Variants in FHL2 observed in about 807,000 individuals in gnomAD.
FHL2 encodes four and a half LIM domains protein 2.
FHL2 carries 20 observed loss-of-function variants against 32.7 expected under a neutral mutation model. That is an observed-to-expected ratio of 0.61 (90% CI 0.43 to 0.89). The LOEUF (loss-of-function observed/expected upper bound fraction) is 0.89, where lower values mean the gene tolerates loss of function less well. FHL2 is among the 40% of genes least tolerant of loss of function. FHL2 has a pLI of 0.00. For missense variants in FHL2, 311 were observed against 358.6 expected, an observed-to-expected ratio of 0.87 and a Z score of 1.07; for synonymous variants, 123 against 128.1, an observed-to-expected ratio of 0.96 and a Z score of 0.27.
chr2:105,367,006 A>G (rs952162780), intron 5 of FHL2, among the ~76,000 whole-genome samples: 1 of 152,138 alleles, frequency 6.6e-6, no homozygotes, highest in Non-Finnish European at 1.5e-5. Flanking sequence ...TTGGCCTCCC[A>G]CAGGTGATCC....
At chr2:105,374,665 A>G (rs1283639409) in intron 3 of FHL2, 2 of 152,228 alleles carry the variant, frequency 1.3e-5, no homozygotes, top group Non-Finnish European at 2.9e-5. Flanking sequence ...TCGACTCCAC[A>G]CTTGGCTTCA....
At chr2:105,384,325 G>C (rs1325471794) in intron 3 of FHL2, among the ~76,000 whole-genome samples, 1 of 152,164 alleles carries the variant, frequency 6.6e-6, no homozygotes, top group Non-Finnish European at 1.5e-5. Flanking sequence ...AAAGAGAGAG[G>C]GTGAAGCTTC....
chr2:105,426,401 A>G (rs905120358), intron 1 of FHL2, among the ~76,000 whole-genome samples: 3 of 152,242 alleles, frequency 2.0e-5, no homozygotes, highest in African/African-American at 7.2e-5. Flanking sequence ...AACCAAAAGC[A>G]GAATGAAAAA....
At chr2:105,408,787 T>C (rs1683710070) in intron 1 of FHL2, among the ~76,000 whole-genome samples, 1 of 152,188 alleles carries the variant, frequency 6.6e-6, no homozygotes, top group South Asian at 2.1e-4. Context: ...TGACTGCTGA[T>C]AGGGTGACAT....
intron 1 of FHL2, among the ~76,000 whole-genome samples, chr2:105,434,939 T>A (rs1282687534): frequency 6.6e-6 from 1 of 152,188 alleles, no homozygotes; most frequent in African/African-American, 2.4e-5. Context: ...TTGGTGGTAA[T>A]AATTAGACTG....
intron 1 of FHL2, among the ~76,000 whole-genome samples, chr2:105,414,176 A>C (rs1011339018): frequency 6.6e-6 from 1 of 152,234 alleles, no homozygotes; most frequent in Non-Finnish European, 1.5e-5. Context: ...GGGATACAGA[A>C]CAAAGCATGG....
rs988888519 is a variant in FHL2 at position 105,416,327 on chromosome 2, C to G, written c.-25+22072G>C. Among the ~76,000 whole-genome samples the G allele has an allele frequency of 2.0e-5, 3 of 152,296 alleles. No homozygotes were observed. In the East Asian group the frequency reaches 5.8e-4, roughly 29 times the overall value. On this transcript the variant is annotated intron_variant, in intron 1 of 5. Coordinates refer to the FHL2 transcript ENST00000393352. ...AGCTTAATAGAAGACAGCTGGAAAG[C>G]TCAATGCTCATGTCTGCTTCTGCAT...
At chr2:105,407,161 G>C (rs956074958) in intron 1 of FHL2, among the ~76,000 whole-genome samples, 2 of 152,182 alleles carry the variant, frequency 1.3e-5, no homozygotes, top group Non-Finnish European at 2.9e-5. Flanking sequence ...GGGAGGCCAA[G>C]GTGGGTGGAT....
At chr2:105,371,836 C>T (rs1019846986) in intron 4 of FHL2, among the ~76,000 whole-genome samples, 1 of 152,132 alleles carries the variant, frequency 6.6e-6, no homozygotes, top group Non-Finnish European at 1.5e-5. Context: ...CTTATTGTTA[C>T]TGAGTGTTGT....
At chr2:105,387,617 G>A (rs915237143) in intron 2 of FHL2, among the ~76,000 whole-genome samples, 5 of 152,210 alleles carry the variant, frequency 3.3e-5, no homozygotes, top group East Asian at 1.9e-4. Flanking sequence ...GGACACTGGC[G>A]AGGTTGCAGA....
At chr2:105,434,201 G>A (rs11680431) in intron 1 of FHL2, among the ~76,000 whole-genome samples, 9,021 of 152,304 alleles carry the variant, frequency 0.059, 415 homozygotes, top group South Asian at 0.19. Context: ...TTCAAACCAT[G>A]CTGTCCCTTG....
chr2:105,424,845 G>T (rs1684209812), intron 1 of FHL2, among the ~76,000 whole-genome samples: 1 of 152,144 alleles, frequency 6.6e-6, no homozygotes, highest in South Asian at 2.1e-4. Context: ...CACACGGAGG[G>T]GAACATCACA....
chr2:105,432,886 C>A (rs968222007), intron 1 of FHL2, among the ~76,000 whole-genome samples: 1 of 152,200 alleles, frequency 6.6e-6, no homozygotes, highest in African/African-American at 2.4e-5. Flanking sequence ...GAATATGAAA[C>A]CTGGTTCCCA....
chr2:105,406,172 G>A (rs1683625318), intron 1 of FHL2, among the ~76,000 whole-genome samples: 1 of 152,208 alleles, frequency 6.6e-6, no homozygotes, highest in Non-Finnish European at 1.5e-5. Context: ...GTAGTTGACT[G>A]CTGAAGTACC....
chr2:105,385,711 A>G (rs1326730690), intron 3 of FHL2, among the ~76,000 whole-genome samples: 1 of 152,214 alleles, frequency 6.6e-6, no homozygotes, highest in Non-Finnish European at 1.5e-5. Flanking sequence ...GGTTGGAACA[A>G]GAGTCTGCTG....
At chr2:105,372,237 T>A (rs1681130710) in intron 4 of FHL2, among the ~76,000 whole-genome samples, 1 of 152,322 alleles carries the variant, frequency 6.6e-6, no homozygotes. Flanking sequence ...AACTTTCTTT[T>A]TTTTTTGAGA....
chr2:105,359,407 CATT>C (rs1174882776), downstream of FHL2: 1 of 152,186 alleles, frequency 6.6e-6, no homozygotes, highest in Non-Finnish European at 1.5e-5. Flanking sequence ...TCATTCCAGA[CATT>C]ATCAAACATT....
At chr2:105,438,053 T>C (rs1484201777) in intron 1 of FHL2, among the ~76,000 whole-genome samples, 1 of 152,204 alleles carries the variant, frequency 6.6e-6, no homozygotes, top group Non-Finnish European at 1.5e-5. Context: ...TTAAAAAATG[T>C]TTTCCGTTGT....
intron 1 of FHL2, among the ~76,000 whole-genome samples, chr2:105,420,275 T>A (rs1684059651): frequency 6.6e-6 from 1 of 152,166 alleles, no homozygotes; most frequent in South Asian, 2.1e-4. Flanking sequence ...TCCCTTGGCT[T>A]GTAGACTCAC....
Sources: gnomAD v4.1 joint callset for allele counts (sites outside exome capture counted in the v4.1 genomes callset) on GRCh38, gnomAD v4.1.1 for gene constraint, MANE v1.5 for transcripts, NCBI Gene and HGNC (gene_info 2026-07-23, HGNC 2026-07-21) for gene names.